The following STXBP5L variants were observed in gnomAD, a reference collection of about 807,000 sequenced individuals.
The protein encoded by STXBP5L is syntaxin binding protein 5L.
Under a neutral mutation model 144.5 loss-of-function variants are expected in STXBP5L, and 65 were observed. The observed-to-expected ratio is 0.45, with a 90% CI of 0.37 to 0.55. STXBP5L has a LOEUF of 0.55. Ranked by LOEUF, STXBP5L falls within the 20% of genes least tolerant of loss-of-function variation. The pLI is 0.00. For synonymous variants in STXBP5L, 505 were observed against 469.6 expected, an observed-to-expected ratio of 1.08 and a Z score of -0.97; for missense variants, 1,298 against 1,405.5, an observed-to-expected ratio of 0.92 and a Z score of 1.22.
chr3:121,367,095 C>T (rs2045884662), intron 20 of STXBP5L, among the ~76,000 whole-genome samples: 1 of 152,068 alleles, frequency 6.6e-6, no homozygotes, highest in Admixed American at 6.6e-5. Flanking sequence ...CATATGTACC[C>T]CACAACATGA....
intron 3 of STXBP5L, among the ~76,000 whole-genome samples, chr3:120,992,342 C>G (rs1316613905): frequency 6.6e-6 from 1 of 151,906 alleles, no homozygotes; most frequent in Non-Finnish European, 1.5e-5. Context: ...AAATATAAAA[C>G]AACATTGTTT....
chr3:121,215,398 G>A (rs1021402635), intron 10 of STXBP5L, among the ~76,000 whole-genome samples: 2 of 152,158 alleles, frequency 1.3e-5, no homozygotes, highest in South Asian at 2.1e-4. Flanking sequence ...GGCAGGCCTT[G>A]TGGTGGCAAA....
Position 121,381,282 on chromosome 3 carries a change from T to C in STXBP5L, c.2348-11T>C, listed in dbSNP as rs892512923. Reference sequence around the variant, plus strand: ...ACAATTTGTGTGGTTTTTTTTTATTTATTTCCATAGAAAACCGAGAAAATT... The same window carrying C: ...ACAATTTGTGTGGTTTTTTTTTATTCATTTCCATAGAAAACCGAGAAAATT... On this transcript the variant is annotated splice_polypyrimidine_tract_variant and intron_variant, in intron 21 of 26. Coordinates refer to ENST00000471454, the MANE Select transcript of STXBP5L (RefSeq NM_001308330.2). The C allele has an allele frequency of 6.3e-7, 1 of 1,577,322 alleles. No individual in the cohort carries two copies. The highest frequency in any genetic ancestry group is 8.6e-7 in the Non-Finnish European group (1 of 1,166,128).
At chr3:120,978,984 GGGGGTCA>G (rs1384077177) in intron 3 of STXBP5L, among the ~76,000 whole-genome samples, 2 of 152,198 alleles carry the variant, frequency 1.3e-5, no homozygotes, top group Non-Finnish European at 2.9e-5. Flanking sequence ...TATGCTGCTT[GGGGGTCA>G]GGGGTCAGGG....
chr3:120,976,031 C>G (rs1325953283), intron 3 of STXBP5L, among the ~76,000 whole-genome samples: 3 of 152,078 alleles, frequency 2.0e-5, no homozygotes, highest in Non-Finnish European at 4.4e-5. Context: ...CTCTGTCAGG[C>G]TTTGGTATCA....
rs2047490909 is a variant in STXBP5L at position 121,188,404 on chromosome 3, ATGGAAAC to A, written c.878-17516_878-17510del. ...AACTCACTCAAAACTGCTCAACTAC[ATGGAAAC>A]TGAACAACCTGCTCCTGAATGACTA... On this transcript the variant is annotated intron_variant, in intron 9 of 26. Transcript: ENST00000471454. 2.0e-5 allele frequency among the ~76,000 whole-genome samples: 3 copies of A among 152,230 alleles called. No homozygotes were observed. The South Asian group carries it at 6.2e-4, about 32-fold the overall frequency.
chr3:121,317,507 A>T (rs2043824939), intron 19 of STXBP5L, among the ~76,000 whole-genome samples: 3 of 152,190 alleles, frequency 2.0e-5, no homozygotes, highest in Admixed American at 1.3e-4. Flanking sequence ...TATAAAGAAG[A>T]GGGTGATGGG....
intron 22 of STXBP5L, among the ~76,000 whole-genome samples, chr3:121,384,458 G>A (rs530411234): frequency 5.3e-5 from 8 of 152,108 alleles, no homozygotes; most frequent in Non-Finnish European, 1.2e-4. Context: ...GAGCCCAGGA[G>A]TTCAAGACCA....
chr3:121,001,379 C>T (rs1943761582), intron 3 of STXBP5L, among the ~76,000 whole-genome samples: 1 of 152,208 alleles, frequency 6.6e-6, no homozygotes, highest in Non-Finnish European at 1.5e-5. Flanking sequence ...ATACTCAGAT[C>T]AGACTGGTCA....
intron 19 of STXBP5L, among the ~76,000 whole-genome samples, chr3:121,280,473 A>T (rs1188176489): frequency 6.6e-6 from 1 of 151,898 alleles, no homozygotes; most frequent in Non-Finnish European, 1.5e-5. Flanking sequence ...AACATTTTTC[A>T]TTAACATTTT....
At position 121,093,688 on chromosome 3, in the gene STXBP5L, C is replaced by G. The variant is rs866114114; in HGVS notation, c.471-21237C>G. Among the ~76,000 whole-genome samples, 91 of 151,786 alleles carry G rather than the reference C, an allele frequency of 6.0e-4. 1 individual carries two copies. Among genetic ancestry groups the G allele is most frequent in the Admixed American group, 3.3e-4 (5 of 15,226 alleles). On this transcript the variant is annotated intron_variant, in intron 5 of 26. Transcript: ENST00000471454. ...TTTTTTCTTTATTAGTCTTGCTAGCCGTCTATCAATTTTGTTGATCCTTTC... is the reference window on the plus strand; with the variant it reads ...TTTTTTCTTTATTAGTCTTGCTAGCGGTCTATCAATTTTGTTGATCCTTTC...
intron 20 of STXBP5L, among the ~76,000 whole-genome samples, chr3:121,326,502 T>C (rs1262839778): frequency 6.6e-6 from 1 of 152,084 alleles, no homozygotes; most frequent in Non-Finnish European, 1.5e-5. Context: ...CATAAGTACA[T>C]AAACTAAAAA....
rs200454747 is a variant in STXBP5L at position 121,190,205 on chromosome 3, C to A, written c.878-15718C>A. 4.6e-5 allele frequency among the ~76,000 whole-genome samples: 7 copies of A among 152,218 alleles called. No individual in the cohort carries two copies. In the East Asian group the frequency reaches 1.4e-3, roughly 29 times the overall value. The stretch of plus-strand genomic sequence containing the variant: ...TTTTCCTAGGCAGAGGGCCCTGCGG[C>A]CTTCCGCAGTGTTTGTGTCCCTGGG... On this transcript the variant is annotated intron_variant, in intron 9 of 26. Coordinates refer to ENST00000471454, the MANE Select transcript of STXBP5L (RefSeq NM_001308330.2).
intron 20 of STXBP5L, among the ~76,000 whole-genome samples, chr3:121,348,965 T>C (rs535265535): frequency 6.6e-6 from 1 of 152,164 alleles, no homozygotes; most frequent in Admixed American, 6.5e-5. Context: ...CCTTCAGTTC[T>C]GCTCTGATGT....
At position 121,045,494 on chromosome 3, in the gene STXBP5L, A is replaced by G; in HGVS notation, c.429A>G (p.Lys143=). The G allele has an allele frequency of 6.2e-7, 1 of 1,613,344 alleles. No homozygotes were observed. The highest frequency in any genetic ancestry group is 8.5e-7 in the Non-Finnish European group (1 of 1,179,520). Residue 143 remains lysine, a synonymous_variant, in exon 5 of 27, where the codon AAA becomes AAG. Coordinates refer to ENST00000471454, the MANE Select transcript of STXBP5L (RefSeq NM_001308330.2). The part of the protein sequence containing the change: ...DTLHLWNLRQ[K]RPAILHSLKF... ...TTCATTTGTGGAACCTTAGACAAAA[A>G]AGGCCAGCCATACTCCATTCTCTTA...
At chr3:121,242,563 A>T (rs1388433315) in intron 14 of STXBP5L, among the ~76,000 whole-genome samples, 1 of 152,148 alleles carries the variant, frequency 6.6e-6, no homozygotes, top group Non-Finnish European at 1.5e-5. Flanking sequence ...CACTATAATA[A>T]TTCAGGTAAC....
chr3:121,015,341 G>C (rs1945068009), intron 3 of STXBP5L, among the ~76,000 whole-genome samples: 1 of 152,104 alleles, frequency 6.6e-6, no homozygotes, highest in South Asian at 2.1e-4. Context: ...AAAACAATAA[G>C]ATGTTGATCA....
chr3:120,943,597 G>A (rs1217511491), intron 2 of STXBP5L, among the ~76,000 whole-genome samples: 3 of 151,608 alleles, frequency 2.0e-5, no homozygotes, highest in Admixed American at 6.6e-5. Context: ...TGATTTATCA[G>A]TATCTTATTT....
At chr3:121,224,276 G>A (rs1308815522) in intron 11 of STXBP5L, among the ~76,000 whole-genome samples, 1 of 152,102 alleles carries the variant, frequency 6.6e-6, no homozygotes, top group East Asian at 1.9e-4. Flanking sequence ...TATATATGTT[G>A]TGAGTTCCAC....
Sources: gnomAD v4.1 joint callset for allele counts (sites outside exome capture counted in the v4.1 genomes callset) on GRCh38, gnomAD v4.1.1 for gene constraint, MANE v1.5 for transcripts, NCBI Gene and HGNC (gene_info 2026-07-23, HGNC 2026-07-21) for gene names.